The following TEX36 variants were observed in gnomAD, a reference collection of about 807,000 sequenced individuals.
TEX36 encodes testis-expressed protein 36.
TEX36 carries 12 observed loss-of-function variants against 13.6 expected under a neutral mutation model. That is an observed-to-expected ratio of 0.88 (90% CI 0.56 to 1.43). TEX36 has a LOEUF of 1.43. TEX36 is among the 40% of genes most tolerant of loss of function. TEX36 has a pLI of 0.00. For missense variants in TEX36, 224 were observed against 228.3 expected (o/e 0.98, Z 0.12); for synonymous variants, 93 against 83.0 (o/e 1.12, Z -0.65).
intron 3 of TEX36, among the ~76,000 whole-genome samples, chr10:125,636,330 C>T (rs1032360701): frequency 4.6e-5 from 7 of 151,308 alleles, no homozygotes; most frequent in Admixed American, 1.3e-4. Context: ...CTCAGCCTCC[C>T]GAGTAGCTGG....
At chr10:125,620,194 T>C (rs557306537), downstream of TEX36, among the ~76,000 whole-genome samples, 1 of 152,334 alleles carries the variant, frequency 6.6e-6, no homozygotes, top group Non-Finnish European at 1.5e-5. Context: ...GATATACTAC[T>C]ACATTCCTTC....
downstream of TEX36, among the ~76,000 whole-genome samples, chr10:125,617,265 T>C (rs1487089577): frequency 6.6e-6 from 1 of 152,048 alleles, no homozygotes; most frequent in Non-Finnish European, 1.5e-5. Flanking sequence ...GTCTTTTAAT[T>C]GGAGCATTTA....
chr10:125,613,764 A>G (rs1846322615), intron 3 of TEX36, among the ~76,000 whole-genome samples: 1 of 152,108 alleles, frequency 6.6e-6, no homozygotes, highest in Non-Finnish European at 1.5e-5. Flanking sequence ...TCTTTATAGC[A>G]GCATGATTTA....
intron 2 of TEX36, among the ~76,000 whole-genome samples, chr10:125,661,542 A>G (rs917116604): frequency 3.9e-5 from 6 of 152,140 alleles, no homozygotes; most frequent in African/African-American, 1.2e-4. Flanking sequence ...GTGCCACTGC[A>G]GGGCCTGGAA....
chr10:125,617,092 A>G (rs1236938275), downstream of TEX36, among the ~76,000 whole-genome samples: 2 of 152,044 alleles, frequency 1.3e-5, no homozygotes, highest in Non-Finnish European at 2.9e-5. Context: ...GTTTTATCAG[A>G]GACTAGGATT....
chr10:125,676,901 C>A (rs189062329), intron 1 of TEX36, among the ~76,000 whole-genome samples: 1 of 152,298 alleles, frequency 6.6e-6, no homozygotes, highest in Admixed American at 6.5e-5. Flanking sequence ...GTAAAAAAGT[C>A]CTTCCCTCAG....
At chr10:125,605,867 G>A (rs979146227) in intron 3 of TEX36, among the ~76,000 whole-genome samples, 1 of 152,188 alleles carries the variant, frequency 6.6e-6, no homozygotes, top group African/African-American at 2.4e-5. Flanking sequence ...CTCCCAAAGG[G>A]CTGGGCTTAC....
intron 1 of TEX36, among the ~76,000 whole-genome samples, chr10:125,669,652 A>G (rs956441913): frequency 6.6e-6 from 1 of 152,206 alleles, no homozygotes; most frequent in Non-Finnish European, 1.5e-5. Flanking sequence ...CTTGTTACAT[A>G]GGTAAAAGTG....
chr10:125,677,448 T>C (rs12571446), intron 1 of TEX36, among the ~76,000 whole-genome samples: 4,300 of 152,278 alleles, frequency 0.028, 141 homozygotes, highest in African/African-American at 0.073. Flanking sequence ...AAGACCTGTC[T>C]TCAAGTTCTG....
chr10:125,588,592 G>GGTTTGTTT (rs59372231), intron 3 of TEX36, among the ~76,000 whole-genome samples: 24 of 147,480 alleles, frequency 1.6e-4, no homozygotes, highest in Admixed American at 2.7e-4. Context: ...CCAGGCTCTT[G>GGTTTGTTT]GTTTGTTTGT....
chr10:125,675,078 A>G (rs1847291372), intron 1 of TEX36, among the ~76,000 whole-genome samples: 1 of 150,396 alleles, frequency 6.6e-6, no homozygotes, highest in African/African-American at 2.5e-5. Context: ...GTTCAGTCCC[A>G]GGGAGACAAG....
intron 3 of TEX36, among the ~76,000 whole-genome samples, chr10:125,631,521 G>C (rs1311081334): frequency 6.6e-6 from 1 of 152,216 alleles, no homozygotes; most frequent in Admixed American, 6.5e-5. Context: ...AACTATAGAA[G>C]CCAGAGGAGG....
At chr10:125,612,244 C>A (rs1046078576) in intron 3 of TEX36, among the ~76,000 whole-genome samples, 7 of 146,828 alleles carry the variant, frequency 4.8e-5, no homozygotes, top group African/African-American at 1.7e-4. Context: ...CCACCACACC[C>A]AGCTAATTTT....
intron 3 of TEX36, among the ~76,000 whole-genome samples, chr10:125,629,516 A>C (rs1846527098): frequency 6.6e-6 from 1 of 152,244 alleles, no homozygotes; most frequent in South Asian, 2.1e-4. Context: ...ATTATGAAAT[A>C]AATGAGATTG....
rs147330242 is a variant in TEX36, at chr10:125,576,690, A to G, written c.*59T>C. ...AAAGGTCCTTTTCTTCCCAACTAAT[A>G]CACATTCTATTAGTCAGGACTCTGG... On this transcript the variant is annotated 3_prime_UTR_variant, in exon 4 of 4. Transcript: ENST00000532135. The G allele has an allele frequency of 1.2e-3, 1,878 of 1,529,160 alleles. 18 individuals carry two copies. The African/African-American group carries it at 0.021, about 17-fold the overall frequency. The allele number at this position is 1,529,160 out of a possible 1,614,324, so 94.7% of individuals were successfully genotyped here. A position where few individuals can be genotyped will look rare whatever the true frequency, so the allele number is the denominator to read the frequency against.
intron 3 of TEX36, among the ~76,000 whole-genome samples, chr10:125,623,842 G>A (rs1278113057): frequency 6.6e-6 from 1 of 152,250 alleles, no homozygotes; most frequent in Non-Finnish European, 1.5e-5. Context: ...GGCTGTCTAT[G>A]CAGTTTGAAT....
chr10:125,583,450 G>A (rs141562040), intron 3 of TEX36, among the ~76,000 whole-genome samples: 124 of 151,928 alleles, frequency 8.2e-4, no homozygotes, highest in Non-Finnish European at 1.6e-3. Context: ...CAGAAAGGGT[G>A]GAAGAACAAA....
At chr10:125,668,047 C>A in intron 1 of TEX36, 1 of 643,582 alleles carries the variant, frequency 1.6e-6, no homozygotes, top group Non-Finnish European at 2.8e-6. Context: ...AAATCTTTGG[C>A]CAGGGATCTC....
At chr10:125,618,359 C>A (rs113943489), downstream of TEX36, among the ~76,000 whole-genome samples, 1 of 152,088 alleles carries the variant, frequency 6.6e-6, no homozygotes, top group African/African-American at 2.4e-5. Context: ...GGAGGAGAGG[C>A]GCTCTGCTTT....
Sources: allele counts gnomAD v4.1 joint callset (sites outside exome capture counted in the v4.1 genomes callset), GRCh38; gene constraint gnomAD v4.1.1; transcripts MANE v1.5; gene names NCBI Gene and HGNC (gene_info 2026-07-23, HGNC 2026-07-21).